Variants in SLC26A7 observed in about 807,000 individuals in gnomAD.
The protein encoded by SLC26A7 is anion exchange transporter.
Under a neutral mutation model 82.5 loss-of-function variants are expected in SLC26A7, and 59 were observed. That is an observed-to-expected ratio of 0.72 (90% CI 0.58 to 0.89). The LOEUF (loss-of-function observed/expected upper bound fraction) is 0.89. Among genes scored for constraint, SLC26A7 ranks in the 40% least tolerant of loss-of-function variants. The pLI is 0.00. For synonymous variants in SLC26A7, 271 were observed against 274.3 expected, an observed-to-expected ratio of 0.99 and a Z score of 0.12; for missense variants, 820 against 793.0, an observed-to-expected ratio of 1.03 and a Z score of -0.41.
intron 2 of SLC26A7, among the ~76,000 whole-genome samples, chr8:91,282,761 C>T (rs1811608242): frequency 6.6e-6 from 1 of 152,310 alleles, no homozygotes; most frequent in African/African-American, 2.4e-5. Context: ...AATTTCATCA[C>T]CTGGCACTTT....
At chr8:91,301,071 A>G (rs1812152688) in intron 4 of SLC26A7, among the ~76,000 whole-genome samples, 1 of 152,330 alleles carries the variant, frequency 6.6e-6, no homozygotes, top group African/African-American at 2.4e-5. Flanking sequence ...CCAACTTTAA[A>G]TTGCAAGAAT....
At chr8:91,239,395 A>ATAT (rs1233159768) in intron 2 of SLC26A7, among the ~76,000 whole-genome samples, 116 of 94,842 alleles carry the variant, frequency 1.2e-3, no homozygotes, top group Non-Finnish European at 2.1e-3. Context: ...AAAAAAAAAA[A>ATAT]ATATATATAT....
intron 4 of SLC26A7, among the ~76,000 whole-genome samples, chr8:91,302,818 CTTTT>C (rs11333572): frequency 5.4e-5 from 7 of 129,632 alleles, no homozygotes; most frequent in Non-Finnish European, 9.9e-5. Flanking sequence ...TTCCCCTTCT[CTTTT>C]TTTTTTTTTT....
chr8:91,318,168 T>A, intron 4 of SLC26A7, 48 bp from the exon 5 acceptor site: 1 of 1,530,550 alleles, frequency 6.5e-7, no homozygotes, highest in South Asian at 1.2e-5. Context: ...CTGGGAACTT[T>A]GGGGAGTTTC....
intron 11 of SLC26A7, among the ~76,000 whole-genome samples, chr8:91,354,903 CT>C (rs771643923): frequency 1.3e-5 from 2 of 150,950 alleles, no homozygotes; most frequent in African/African-American, 2.4e-5. Context: ...TACCTTTAAT[CT>C]TTTTTTTTAA....
intron 5 of SLC26A7, 112 bp from the exon 6 acceptor site, chr8:91,334,183 A>T: frequency 1.0e-6 from 1 of 993,850 alleles, no homozygotes. Flanking sequence ...TCCTCTCCCT[A>T]GCCATTAAGA....
upstream of SLC26A7, among the ~76,000 whole-genome samples, chr8:91,244,977 G>C (rs1810524463): frequency 6.6e-6 from 1 of 152,148 alleles, no homozygotes; most frequent in Non-Finnish European, 1.5e-5. Context: ...AGACATGTTG[G>C]CAATCATTGT....
At position 91,395,348 on chromosome 8, in the gene SLC26A7, G is replaced by T. The variant is rs1428365262; in HGVS notation, c.*251G>T. On this transcript the variant is annotated 3_prime_UTR_variant, in exon 19 of 19. Transcript: ENST00000276609. ...ATGTGTTTAGTTTTAGTGTACTGAAGGGTAAACATGGTTTTATTTTATTTT... is the reference window on the plus strand; with the variant it reads ...ATGTGTTTAGTTTTAGTGTACTGAATGGTAAACATGGTTTTATTTTATTTT... 2 of 753,780 alleles carry T rather than the reference G, an allele frequency of 2.7e-6. No homozygotes were observed. Among genetic ancestry groups the T allele is most frequent in the Non-Finnish European group, 1.8e-6 (1 of 551,592 alleles). The allele number at this position is 753,780 out of a possible 1,614,324, so 46.7% of individuals were successfully genotyped here. A position where few individuals can be genotyped will look rare whatever the true frequency, so the allele number is the denominator to read the frequency against.
At chr8:91,374,100 T>C (rs1286613305) in intron 15 of SLC26A7, among the ~76,000 whole-genome samples, 1 of 152,026 alleles carries the variant, frequency 6.6e-6, no homozygotes, top group Non-Finnish European at 1.5e-5. Context: ...ATTGTGCTTA[T>C]TTGAATCTTC....
intron 14 of SLC26A7, among the ~76,000 whole-genome samples, chr8:91,367,764 A>G (rs370620124): frequency 3.3e-4 from 51 of 152,314 alleles, no homozygotes; most frequent in Middle Eastern, 3.4e-3. Context: ...TACTGTCTCC[A>G]TGAAGCTTTC....
At chr8:91,284,670 A>G (rs7015663) in intron 2 of SLC26A7, among the ~76,000 whole-genome samples, 15,588 of 152,200 alleles carry the variant, frequency 0.1, 918 homozygotes, top group Middle Eastern at 0.2. Context: ...TAACTCTTAC[A>G]TCTGAGTATT....
chr8:91,296,323 A>G (rs948159833), intron 4 of SLC26A7, among the ~76,000 whole-genome samples: 2 of 152,208 alleles, frequency 1.3e-5, no homozygotes, highest in African/African-American at 2.4e-5. Context: ...GTGACTATAA[A>G]ATAAATGTAG....
At chr8:91,259,428 A>G (rs972752162) in intron 2 of SLC26A7, among the ~76,000 whole-genome samples, 5 of 152,106 alleles carry the variant, frequency 3.3e-5, no homozygotes, top group Non-Finnish European at 5.9e-5. Flanking sequence ...CAAGGTCATC[A>G]AAGCATTTAG....
chr8:91,262,551 C>T (rs1810997913), intron 2 of SLC26A7, among the ~76,000 whole-genome samples: 1 of 152,006 alleles, frequency 6.6e-6, no homozygotes, highest in Non-Finnish European at 1.5e-5. Flanking sequence ...CATCAGCCAG[C>T]ATCATGGAAG....
chr8:91,343,437 G>A lies in SLC26A7; in HGVS notation c.1111G>A (p.Gly371Ser). 1 of 1,612,444 alleles carries A rather than the reference G, an allele frequency of 6.2e-7. No homozygotes were observed. Among genetic ancestry groups the A allele is most frequent in the South Asian group, 1.1e-5 (1 of 91,046 alleles). The part of the protein sequence containing the change: ...PSAAAMGRTA[G>S]LYSTGAKTQV... ...TGCTGCTGCCATGGGAAGGACGGCT[G>A]GCCTGTACAGCACAGGAGCGAAGAC... Residue 371 changes from glycine to serine, a missense_variant, in exon 9 of 19, where the codon GGC becomes AGC. Gly to Ser is a moderately conservative substitution (Grantham distance 56). Coordinates refer to ENST00000276609, the MANE Select transcript of SLC26A7 (RefSeq NM_052832.4).
intron 2 of SLC26A7, among the ~76,000 whole-genome samples, chr8:91,227,354 C>T (rs549583420): frequency 1.3e-5 from 2 of 152,274 alleles, no homozygotes; most frequent in African/African-American, 4.8e-5. Flanking sequence ...AAGAGAAACT[C>T]AAGTTTCTTT....
intron 15 of SLC26A7, among the ~76,000 whole-genome samples, chr8:91,370,343 A>C (rs964521401): frequency 4.3e-5 from 6 of 140,104 alleles, no homozygotes; most frequent in Non-Finnish European, 6.2e-5. Context: ...CTCCTCTCCC[A>C]CCTCTTTTCC....
intron 8 of SLC26A7, among the ~76,000 whole-genome samples, chr8:91,342,690 C>A (rs913006128): frequency 6.6e-6 from 1 of 152,262 alleles, no homozygotes; most frequent in South Asian, 2.1e-4. Flanking sequence ...TGTTAGCCAT[C>A]CAGAGGGAGA....
At position 91,397,703 on chromosome 8, in the gene SLC26A7, T is replaced by C. The variant is rs1808612189; in HGVS notation, c.*2606T>C. On this transcript the variant is annotated 3_prime_UTR_variant, in exon 19 of 19. Transcript: ENST00000276609. The stretch of plus-strand genomic sequence containing the variant: ...GTTATAAGTTTTAGCTTGAACTACT[T>C]TGCAGTAATTTATTTGACAGATCTC... 1 of 152,588 alleles carries C rather than the reference T, an allele frequency of 6.6e-6. No homozygotes were observed. The highest frequency in any genetic ancestry group is 1.5e-5 in the Non-Finnish European group (1 of 67,966). 9.5% of individuals were successfully genotyped at this position (152,588 alleles called of 1,614,324 possible). A position where few individuals can be genotyped will look rare whatever the true frequency, so the allele number is the denominator to read the frequency against.
Sources: allele counts gnomAD v4.1 joint callset (sites outside exome capture counted in the v4.1 genomes callset), GRCh38; gene constraint gnomAD v4.1.1; transcripts MANE v1.5; gene names NCBI Gene and HGNC (gene_info 2026-07-23, HGNC 2026-07-21).